The following ZNF865 variants were observed in gnomAD, a reference collection of about 807,000 sequenced individuals.
ZNF865 encodes zinc finger protein 865.
For missense variants in ZNF865, 1,311 were observed against 1,593.4 expected (o/e 0.82, Z 3.02); for synonymous variants, 763 against 750.8 (o/e 1.02, Z -0.27).
At position 55,613,636 on chromosome 19, in the gene ZNF865, G is replaced by T. The variant is rs1469959615; in HGVS notation, c.18G>T (p.Ala6=). The change falls in exon 2 of 2, where the codon GCG becomes GCT. Residue 6 remains alanine, a synonymous_variant. Transcript: ENST00000568956. MEANP[A]GSGAGGGGSS... Reference sequence around the variant, plus strand: ...CGCCGGAGATGGAGGCGAACCCAGCGGGCAGCGGCGCCGGGGGTGGCGGGA... The same window carrying T: ...CGCCGGAGATGGAGGCGAACCCAGCTGGCAGCGGCGCCGGGGGTGGCGGGA... The T allele has an allele frequency of 1.2e-5, 18 of 1,522,646 alleles. No homozygotes were observed. Among genetic ancestry groups the T allele is most frequent in the Admixed American group, 2.0e-5 (1 of 49,694 alleles). The allele number at this position is 1,522,646 out of a possible 1,614,324, so 94.3% of individuals were successfully genotyped here. A position where few individuals can be genotyped will look rare whatever the true frequency, so the allele number is the denominator to read the frequency against.
rs763901061 is a variant in ZNF865, at chr19:55,615,010, C to G, written c.1392C>G (p.Ala464=). The G allele has an allele frequency of 7.3e-7, 1 of 1,361,496 alleles. No homozygotes were observed. Among genetic ancestry groups the G allele is most frequent in the South Asian group, 1.6e-5 (1 of 60,928 alleles). 84.3% of individuals were successfully genotyped at this position (1,361,496 alleles called of 1,614,324 possible). The part of the protein sequence containing the change: ...QSLLRHKAAH[A]PPAAAAEAPK... ...TGCTCCGCCACAAGGCCGCCCACGC[C>G]CCGCCCGCTGCCGCTGCGGAGGCGC... Residue 464 remains alanine, a synonymous_variant, in exon 2 of 2, where the codon GCC becomes GCG. Transcript: ENST00000568956.
Position 55,617,011 on chromosome 19 carries a change from A to G in ZNF865, c.*213A>G. 1 of 463,908 alleles carries G rather than the reference A, an allele frequency of 2.2e-6. No individual in the cohort carries two copies. Among genetic ancestry groups the G allele is most frequent in the Non-Finnish European group, 3.7e-6 (1 of 271,980 alleles). The allele number at this position is 463,908 out of a possible 1,614,324, so 28.7% of individuals were successfully genotyped here. A position where few individuals can be genotyped will look rare whatever the true frequency, so the allele number is the denominator to read the frequency against. On this transcript the variant is annotated 3_prime_UTR_variant, in exon 2 of 2. Transcript: ENST00000568956. ...CTCCCCTCATCCCATCAGACACTGA[A>G]CCCTATCCTCCGTCCAACCCTCGTT...
chr19:55,614,109 G>A lies in ZNF865; in HGVS notation c.491G>A (p.Arg164Gln). 16 of 1,436,476 alleles carry A rather than the reference G, an allele frequency of 1.1e-5. No homozygotes were observed. Among genetic ancestry groups the A allele is most frequent in the South Asian group, 1.5e-5 (1 of 67,716 alleles). The allele number at this position is 1,436,476 out of a possible 1,614,324, so 89.0% of individuals were successfully genotyped here. ...CAGCACTTGTTTGGGAACCTGAAGC[G>A]AGGAGGGCCCGCGTCCGGGCCGGGG... is the stretch of plus-strand genomic sequence containing the variant. ...GHQHLFGNLK[R>Q]GGPASGPGVT... Residue 164 changes from arginine (R) to glutamine (Q), a missense_variant, in exon 2 of 2, where the codon CGA (arginine) becomes CAA (glutamine). Physicochemically the swap from Arg to Gln is conservative, Grantham distance 43. Transcript: ENST00000568956. The surrounding 1 kb of genome is among the most constrained non-coding windows in gnomAD (Gnocchi z 8.0).
intron 1 of ZNF865, among the ~76,000 whole-genome samples, chr19:55,606,358 C>T (rs1201918983): frequency 6.8e-6 from 1 of 146,650 alleles, no homozygotes; most frequent in Non-Finnish European, 1.5e-5. Flanking sequence ...TCAAAGCCAC[C>T]CCCCCATCGC....
intron 1 of ZNF865, among the ~76,000 whole-genome samples, chr19:55,606,014 C>T (rs1323807862): frequency 6.6e-6 from 1 of 152,116 alleles, no homozygotes; most frequent in Non-Finnish European, 1.5e-5. Flanking sequence ...CTCGTAGGAT[C>T]CCCTCCACAT....
intron 1 of ZNF865, among the ~76,000 whole-genome samples, chr19:55,609,991 C>T (rs879836143): frequency 1.3e-5 from 2 of 152,212 alleles, no homozygotes; most frequent in African/African-American, 2.4e-5. Flanking sequence ...CACACCCTGC[C>T]CTCAGTGCCC....
Position 55,615,740 on chromosome 19 carries a change from TTCA to T in ZNF865, c.2125_2127del (p.Ile709del). 1 of 1,533,562 alleles carries T rather than the reference TTCA, an allele frequency of 6.5e-7. No individual in the cohort carries two copies. Among genetic ancestry groups the T allele is most frequent in the South Asian group, 1.2e-5 (1 of 83,828 alleles). The allele number at this position is 1,533,562 out of a possible 1,614,324, so 95.0% of individuals were successfully genotyped here. A position where few individuals can be genotyped will look rare whatever the true frequency, so the allele number is the denominator to read the frequency against. ...CGACGCCTGCGGCAAGACCTTCGGC[TTCA>T]TCGAGAACCTCATGTGGCACAAGCT... is the stretch of plus-strand genomic sequence containing the variant. On this transcript the variant is annotated inframe_deletion, in exon 2 of 2. Coordinates refer to ENST00000568956, the MANE Select transcript of ZNF865 (RefSeq NM_001195605.2).
rs1407379690 is a variant in ZNF865, at chr19:55,614,633, C to T, written c.1015C>T (p.Pro339Ser). Residue 339 changes from proline to serine, a missense_variant, in exon 2 of 2, where the codon CCC becomes TCC. Physicochemically the swap from Pro to Ser is moderately conservative, Grantham distance 74 (BLOSUM62 -1). Transcript: ENST00000568956. This position sits in a 1 kb window ranked among gnomAD's most constrained non-coding sequence, Gnocchi z 8.0. ...CGCCGCCCCTGCTGGTGTTGGGGTGCCCCCTCCTGCCACCGGGGGTGGCGA... is the reference window on the plus strand; with the variant it reads ...CGCCGCCCCTGCTGGTGTTGGGGTGTCCCCTCCTGCCACCGGGGGTGGCGA... The part of the protein sequence containing the change: ...GSAAPAGVGV[P>S]PPATGGGDGP... 9.1e-6 allele frequency: 14 copies of T among 1,531,182 alleles called. No homozygotes were observed. The highest frequency in any genetic ancestry group is 4.1e-5 in the African/African-American group (3 of 72,574). 94.8% of individuals were successfully genotyped at this position (1,531,182 alleles called of 1,614,324 possible).
chr19:55,608,731 G>C (rs1182100478), intron 1 of ZNF865, among the ~76,000 whole-genome samples: 1 of 152,148 alleles, frequency 6.6e-6, no homozygotes, highest in Non-Finnish European at 1.5e-5. Flanking sequence ...CATTTGTTGT[G>C]AAGTTTGAAT....
Position 55,614,973 on chromosome 19 carries a change from C to T in ZNF865, c.1355C>T (p.Ala452Val), listed in dbSNP as rs1600014342. Reference sequence around the variant, plus strand: ...GACCTGTGCGGCAAGTCCTACTCGGCTCCGCAGAGCCTGCTCCGCCACAAG... The same window carrying T: ...GACCTGTGCGGCAAGTCCTACTCGGTTCCGCAGAGCCTGCTCCGCCACAAG... ...PCDLCGKSYSAPQSLLRHKAA... is the reference protein window; with the variant it reads ...PCDLCGKSYSVPQSLLRHKAA... The change falls in exon 2 of 2, where the codon GCT (alanine) becomes GTT (valine). Residue 452 changes from alanine (A) to valine (V), a missense_variant. Ala to Val is a moderately conservative substitution (Grantham distance 64). Coordinates refer to ENST00000568956, the MANE Select transcript of ZNF865 (RefSeq NM_001195605.2). The surrounding 1 kb of genome is among the most constrained non-coding windows in gnomAD (Gnocchi z 8.0). The T allele has an allele frequency of 7.0e-7, 1 of 1,433,030 alleles. No individual in the cohort carries two copies. Among genetic ancestry groups the T allele is most frequent in the Non-Finnish European group, 9.1e-7 (1 of 1,101,188 alleles). The allele number at this position is 1,433,030 out of a possible 1,614,324, so 88.8% of individuals were successfully genotyped here.
rs1456209221 is a variant in ZNF865 at position 55,615,230 on chromosome 19, G to A, written c.1612G>A (p.Ala538Thr). The change falls in exon 2 of 2, where the codon GCG (alanine) becomes ACG (threonine). Residue 538 changes from alanine (A) to threonine (T), a missense_variant. By Grantham distance (58) the Ala-to-Thr change is moderately conservative. Coordinates refer to ENST00000568956, the MANE Select transcript of ZNF865 (RefSeq NM_001195605.2). Reference protein sequence around the residue: ...LLLGGAGTSGAGGSGASVPGK... With the variant: ...LLLGGAGTSGTGGSGASVPGK... ...GCTCGGCGGCGCGGGGACCAGCGGG[G>A]CGGGAGGCTCGGGCGCCAGCGTCCC... The A allele has an allele frequency of 8.0e-6, 12 of 1,505,378 alleles. No homozygotes were observed. The East Asian group carries it at 1.0e-4, about 13-fold the overall frequency. 93.3% of individuals were successfully genotyped at this position (1,505,378 alleles called of 1,614,324 possible). A position where few individuals can be genotyped will look rare whatever the true frequency, so the allele number is the denominator to read the frequency against.
rs954482251 is a variant in ZNF865 at position 55,615,463 on chromosome 19, C to T, written c.1845C>T (p.Phe615=). ...PYKCELCGKV[F]GYPQSLTRHR... ...AGTGCGAGCTCTGCGGCAAGGTCTT[C>T]GGCTACCCGCAGAGCCTCACCCGCC... The change falls in exon 2 of 2, where the codon TTC becomes TTT. Residue 615 remains phenylalanine (F), a synonymous_variant. Transcript: ENST00000568956. 3.3e-6 allele frequency: 5 copies of T among 1,508,974 alleles called. No individual in the cohort carries two copies. The highest frequency in any genetic ancestry group is 2.5e-5 in the East Asian group (1 of 39,992). 93.5% of individuals were successfully genotyped at this position (1,508,974 alleles called of 1,614,324 possible).
In ZNF865 at chr19:55,614,056, G is replaced by A. The variant is rs1261018184; in HGVS notation, c.438G>A (p.Gln146=). ...PLFDAAFPTP[Q]WGIVDLSGHQ... The stretch of plus-strand genomic sequence containing the variant: ...TTGACGCTGCTTTCCCCACTCCGCA[G>A]TGGGGCATCGTGGACCTCTCGGGGC... Residue 146 remains glutamine, a synonymous_variant, in exon 2 of 2, where the codon CAG becomes CAA. Coordinates refer to ENST00000568956, the MANE Select transcript of ZNF865 (RefSeq NM_001195605.2). The surrounding 1 kb of genome is among the most constrained non-coding windows in gnomAD (Gnocchi z 8.0). 3 of 1,467,344 alleles carry A rather than the reference G, an allele frequency of 2.0e-6. No homozygotes were observed. Among genetic ancestry groups the A allele is most frequent in the Admixed American group, 2.5e-5 (1 of 40,712 alleles). The allele number at this position is 1,467,344 out of a possible 1,614,324, so 90.9% of individuals were successfully genotyped here.
At position 55,613,906 on chromosome 19, in the gene ZNF865, G is replaced by C. The variant is rs1208325217; in HGVS notation, c.288G>C (p.Ser96=). 9.9e-6 allele frequency: 15 copies of C among 1,517,608 alleles called. No individual in the cohort carries two copies. The highest frequency in any genetic ancestry group is 1.3e-5 in the Non-Finnish European group (15 of 1,134,240). 94.0% of individuals were successfully genotyped at this position (1,517,608 alleles called of 1,614,324 possible). The stretch of plus-strand genomic sequence containing the variant: ...AGGCGGAGGTGCCCTCCTCGTCCTC[G>C]TCCTCGTCCTCCTCCTCCTCCTCTT... ...KPKAEVPSSS[S]SSSSSSSSSS... The change falls in exon 2 of 2, where the codon TCG becomes TCC. Residue 96 remains serine (S), a synonymous_variant. Transcript: ENST00000568956.
At position 55,613,941 on chromosome 19, in the gene ZNF865, C is replaced by G. The variant is rs1372876777; in HGVS notation, c.323C>G (p.Ser108Trp). 6.5e-7 allele frequency: 1 copy of G among 1,532,774 alleles called. No individual in the cohort carries two copies. The highest frequency in any genetic ancestry group is 8.7e-7 in the Non-Finnish European group (1 of 1,144,858). The allele number at this position is 1,532,774 out of a possible 1,614,324, so 94.9% of individuals were successfully genotyped here. The change falls in exon 2 of 2, where the codon TCG becomes TGG. Residue 108 changes from serine to tryptophan, a missense_variant. Transcript: ENST00000568956. ...TCCTCCTCCTCCTCTTCGTCCTCCT[C>G]GTCGTCATCTTCGTCCTCTTCCTCT... ...SSSSSSSSSSSSSSSSSSSSQ... is the reference protein window; with the variant it reads ...SSSSSSSSSSWSSSSSSSSSQ...
At position 55,611,461 on chromosome 19, in the gene ZNF865, A is replaced by G. The variant is rs1037366524; in HGVS notation, c.-26-2132A>G. On this transcript the variant is annotated intron_variant, in intron 1 of 1. Coordinates refer to ENST00000568956, the MANE Select transcript of ZNF865 (RefSeq NM_001195605.2). The surrounding 1 kb of genome is among the most constrained non-coding windows in gnomAD (Gnocchi z 4.5). Reference sequence around the variant, plus strand: ...TCTCCCCAACTTAGGTTCCACCTACAGCCTTCCAATTACCACCCCAGCCAA... The same window carrying G: ...TCTCCCCAACTTAGGTTCCACCTACGGCCTTCCAATTACCACCCCAGCCAA... Among the ~76,000 whole-genome samples, 12 of 152,138 alleles carry G rather than the reference A, an allele frequency of 7.9e-5. No homozygotes were observed. Among genetic ancestry groups the G allele is most frequent in the Non-Finnish European group, 1.8e-4 (12 of 68,012 alleles).
In ZNF865 at chr19:55,615,446, C is replaced by T; in HGVS notation, c.1828C>T (p.Leu610Phe). The T allele has an allele frequency of 2.0e-6, 3 of 1,498,418 alleles. No individual in the cohort carries two copies. Among genetic ancestry groups the T allele is most frequent in the Non-Finnish European group, 2.7e-6 (3 of 1,128,310 alleles). The allele number at this position is 1,498,418 out of a possible 1,614,324, so 92.8% of individuals were successfully genotyped here. The change falls in exon 2 of 2, where the codon CTC becomes TTC. Residue 610 changes from leucine (L) to phenylalanine (F), a missense_variant. By Grantham distance (22) the Leu-to-Phe change is conservative. Transcript: ENST00000568956. Reference sequence around the variant, plus strand: ...GCGCGAGCGGCCCTACAAGTGCGAGCTCTGCGGCAAGGTCTTCGGCTACCC... The same window carrying T: ...GCGCGAGCGGCCCTACAAGTGCGAGTTCTGCGGCAAGGTCTTCGGCTACCC... Reference protein sequence around the residue: ...HTRERPYKCELCGKVFGYPQS... With the variant: ...HTRERPYKCEFCGKVFGYPQS...
rs762306283 is a variant in ZNF865, at chr19:55,615,530, G to C, written c.1912G>C (p.Gly638Arg). The change falls in exon 2 of 2, where the codon GGG becomes CGG. Residue 638 changes from glycine to arginine, a missense_variant. By Grantham distance (125) the Gly-to-Arg change is moderately radical (BLOSUM62 -2). Coordinates refer to ENST00000568956, the MANE Select transcript of ZNF865 (RefSeq NM_001195605.2). ...GCTCCAGCTGCCCTGCGCCCTGGCCGGGGCAGCCGGCCTCCCCTCCACCCA... is the reference window on the plus strand; with the variant it reads ...GCTCCAGCTGCCCTGCGCCCTGGCCCGGGCAGCCGGCCTCCCCTCCACCCA... ...HRLQLPCALAGAAGLPSTQGT... is the reference protein window; with the variant it reads ...HRLQLPCALARAAGLPSTQGT... 9 of 1,505,100 alleles carry C rather than the reference G, an allele frequency of 6.0e-6. No homozygotes were observed. The highest frequency in any genetic ancestry group is 3.7e-5 in the South Asian group (3 of 80,032). 93.2% of individuals were successfully genotyped at this position (1,505,100 alleles called of 1,614,324 possible).
chr19:55,616,654 G>A lies in ZNF865; in HGVS notation c.3036G>A (p.Gln1012=). ...TCCGTAAGCACCTGGCTGCCCACCA[G>A]GGCGGCCGGCCCTTCCGCTGCTCCT... The part of the protein sequence containing the change: ...GYFRKHLAAH[Q]GGRPFRCSSC... Residue 1012 remains glutamine, a synonymous_variant, in exon 2 of 2, where the codon CAG becomes CAA. Transcript: ENST00000568956. The A allele has an allele frequency of 6.5e-7, 1 of 1,529,428 alleles. No individual in the cohort carries two copies. Among genetic ancestry groups the A allele is most frequent in the Non-Finnish European group, 8.7e-7 (1 of 1,143,794 alleles). The allele number at this position is 1,529,428 out of a possible 1,614,324, so 94.7% of individuals were successfully genotyped here.
Sources: allele counts gnomAD v4.1 joint callset (sites outside exome capture counted in the v4.1 genomes callset), GRCh38; gene constraint gnomAD v4.1.1; non-coding constraint Gnocchi (gnomAD v3.1); transcripts MANE v1.5; gene names NCBI Gene and HGNC (gene_info 2026-07-23, HGNC 2026-07-21).